Variants in BMP2K observed in about 807,000 individuals in gnomAD.
BMP2K encodes the protein BMP2 inducible kinase, also known as BMP-2-inducible protein kinase.
A neutral mutation model predicts 116.0 loss-of-function variants in BMP2K; 74 were observed. The observed-to-expected ratio is 0.64, with a 90% CI of 0.53 to 0.77. The LOEUF is 0.77. Among genes scored for constraint, BMP2K ranks in the 30% least tolerant of loss-of-function variants. The probability of loss-of-function intolerance (pLI) is 0.00; values close to 1 mark genes in which losing one functional copy is unlikely to be tolerated. For synonymous variants in BMP2K, 486 were observed against 502.5 expected, an observed-to-expected ratio of 0.97 and a Z score of 0.44; for missense variants, 1,365 against 1,403.6, an observed-to-expected ratio of 0.97 and a Z score of 0.44.
At chr4:78,879,034 C>A in intron 14 of BMP2K, 143 bp downstream of exon 14, 1 of 1,439,538 alleles carries the variant, frequency 6.9e-7, no homozygotes, top group Non-Finnish European at 9.1e-7. Context: ...TCTTCTTATA[C>A]ATATACTATC....
intron 7 of BMP2K, among the ~76,000 whole-genome samples, chr4:78,852,644 G>T (rs1202025590): frequency 1.3e-5 from 2 of 151,794 alleles, no homozygotes; most frequent in Non-Finnish European, 2.9e-5. Context: ...TCATTCTGTG[G>T]CCCAGGACCT....
chr4:78,867,929 A>G (rs1732135309), intron 10 of BMP2K, among the ~76,000 whole-genome samples: 1 of 152,150 alleles, frequency 6.6e-6, no homozygotes, highest in African/African-American at 2.4e-5. Flanking sequence ...GTGTAGTGGC[A>G]TATGCCTGTA....
intron 7 of BMP2K, among the ~76,000 whole-genome samples, chr4:78,856,977 G>C (rs982999634): frequency 6.6e-6 from 1 of 152,010 alleles, no homozygotes; most frequent in East Asian, 1.9e-4. Flanking sequence ...TTTCCCACTG[G>C]GGAGAATGAG....
In BMP2K at chr4:78,911,588, C is replaced by T; in HGVS notation, c.3041C>T (p.Thr1014Ile). Residue 1014 changes from threonine to isoleucine, a missense_variant, in exon 16 of 16, where the codon ACT becomes ATT. This residue lies in a region of BMP2K where 596 missense variants were observed against 623.2 expected (regional missense o/e 0.96). Coordinates refer to ENST00000502613, the MANE Select transcript of BMP2K (RefSeq NM_198892.2). ...AAGACTTTGAAGCCTACCTATCGCA[C>T]TCCAGAGAGGGCTCGCAGGCACAAA... ...TKKTLKPTYR[T>I]PERARRHKKV... is the part of the protein sequence containing the mutation. 1 of 1,614,036 alleles carries T rather than the reference C, an allele frequency of 6.2e-7. No homozygotes were observed. Among genetic ancestry groups the T allele is most frequent in the Non-Finnish European group, 8.5e-7 (1 of 1,179,898 alleles).
intron 3 of BMP2K, among the ~76,000 whole-genome samples, chr4:78,838,426 G>A (rs1730599437): frequency 6.6e-6 from 1 of 152,168 alleles, no homozygotes; most frequent in South Asian, 2.1e-4. Flanking sequence ...CTCTAAGTGG[G>A]CAATTATTTC....
chr4:78,803,974 TTAAC>T (rs1728693699), intron 1 of BMP2K, among the ~76,000 whole-genome samples: 1 of 152,216 alleles, frequency 6.6e-6, no homozygotes, highest in African/African-American at 2.4e-5. Flanking sequence ...TGAGACATAA[TTAAC>T]ATATCATAAA....
intron 1 of BMP2K, among the ~76,000 whole-genome samples, chr4:78,800,561 T>C (rs1415193182): frequency 1.3e-5 from 2 of 152,216 alleles, no homozygotes; most frequent in Non-Finnish European, 2.9e-5. Flanking sequence ...AATGTAGTTA[T>C]GTCTGTAACT....
At chr4:78,867,862 C>G (rs1732132308) in intron 10 of BMP2K, among the ~76,000 whole-genome samples, 1 of 152,132 alleles carries the variant, frequency 6.6e-6, no homozygotes, top group Non-Finnish European at 1.5e-5. Context: ...GAGTTCGAGA[C>G]CAGCCTGGCC....
chr4:78,889,038 G>A (rs1418198902), intron 15 of BMP2K, among the ~76,000 whole-genome samples: 1 of 152,010 alleles, frequency 6.6e-6, no homozygotes, highest in African/African-American at 2.4e-5. Context: ...TGGCTAACAC[G>A]GTGAAACCCC....
chr4:78,790,075 A>G (rs1183636648), intron 1 of BMP2K, among the ~76,000 whole-genome samples: 1 of 152,218 alleles, frequency 6.6e-6, no homozygotes, highest in Non-Finnish European at 1.5e-5. Flanking sequence ...TAAACTTGGA[A>G]TACAAAACAT....
chr4:78,870,830 C>A lies in BMP2K; in HGVS notation c.1279C>A (p.Pro427Thr). Residue 427 changes from proline (P) to threonine (T), a missense_variant, in exon 11 of 16, where the codon CCT (proline) becomes ACT (threonine). Coordinates refer to ENST00000502613, the MANE Select transcript of BMP2K (RefSeq NM_198892.2). ...CCCTGAAATTTTATTGGGTCAGGGACCTCCTCAGCAGCCGCCACAGCAGCA... is the reference window on the plus strand; with the variant it reads ...CCCTGAAATTTTATTGGGTCAGGGAACTCCTCAGCAGCCGCCACAGCAGCA... ...NGPEILLGQGPPQQPPQQHRV... is the reference protein window; with the variant it reads ...NGPEILLGQGTPQQPPQQHRV... 6.2e-7 allele frequency: 1 copy of A among 1,614,098 alleles called. No homozygotes were observed. Among genetic ancestry groups the A allele is most frequent in the Non-Finnish European group, 8.5e-7 (1 of 1,180,002 alleles).
rs922428860 is a variant in BMP2K at position 78,865,541 on chromosome 4, T to C, written c.1068-16T>C. 6.2e-7 allele frequency: 1 copy of C among 1,610,892 alleles called. No individual in the cohort carries two copies. The highest frequency in any genetic ancestry group is 1.3e-5 in the African/African-American group (1 of 74,970). The stretch of plus-strand genomic sequence containing the variant: ...TAATCCCAGTATTTAGAATGAAATA[T>C]ATTCTTCTGTTGTAGAATAACAGAT... On this transcript the variant is annotated splice_polypyrimidine_tract_variant and intron_variant, in intron 9 of 15. Coordinates refer to ENST00000502613, the MANE Select transcript of BMP2K (RefSeq NM_198892.2).
At position 78,860,128 on chromosome 4, in the gene BMP2K, G is replaced by A. The variant is rs75032200; in HGVS notation, c.987+441G>A. 2.9e-3 allele frequency: 1,417 copies of A among 493,338 alleles called. 8 individuals carry two copies. Among genetic ancestry groups the A allele is most frequent in the East Asian group, 0.018 (329 of 18,240 alleles). 30.6% of individuals were successfully genotyped at this position (493,338 alleles called of 1,614,324 possible). ...AAAGAGCACAGGCCTTGTTAAGTGG[G>A]AACTAAACAATGTGTACGCATAGAT... On this transcript the variant is annotated intron_variant, in intron 8 of 15. Coordinates refer to ENST00000502613, the MANE Select transcript of BMP2K (RefSeq NM_198892.2).
At chr4:78,804,295 T>C (rs1303653503) in intron 1 of BMP2K, among the ~76,000 whole-genome samples, 2 of 152,254 alleles carry the variant, frequency 1.3e-5, no homozygotes, top group African/African-American at 4.8e-5. Flanking sequence ...GCATTCATTC[T>C]TTTTTATGGC....
chr4:78,782,128 C>A (rs993281775), intron 1 of BMP2K, among the ~76,000 whole-genome samples: 3 of 152,204 alleles, frequency 2.0e-5, no homozygotes, highest in African/African-American at 7.2e-5. Context: ...TGGTCCGTGA[C>A]TGAATCTTGT....
chr4:78,910,837 G>A lies in BMP2K; in HGVS notation c.2290G>A (p.Val764Ile). Residue 764 changes from valine (V) to isoleucine (I), a missense_variant, in exon 16 of 16, where the codon GTT (valine) becomes ATT (isoleucine). Val to Ile is a conservative substitution (Grantham distance 29, BLOSUM62 3). Around this residue, in one of 3 missense-constraint regions of BMP2K, gnomAD observed 596 missense variants for 623.2 expected, o/e 0.96. Coordinates refer to ENST00000502613, the MANE Select transcript of BMP2K (RefSeq NM_198892.2). Reference sequence around the variant, plus strand: ...AGAGGAAGAGCAAGATGATGAAGAAGTTCTTCAGGGGGAACAAGGAGATTT... The same window carrying A: ...AGAGGAAGAGCAAGATGATGAAGAAATTCTTCAGGGGGAACAAGGAGATTT... ...SEEEEQDDEE[V>I]LQGEQGDFND... is the part of the protein sequence containing the mutation. 1 of 1,613,948 alleles carries A rather than the reference G, an allele frequency of 6.2e-7. No individual in the cohort carries two copies. The highest frequency in any genetic ancestry group is 8.5e-7 in the Non-Finnish European group (1 of 1,179,856).
rs150679709 is a variant in BMP2K at position 78,859,905 on chromosome 4, G to A, written c.987+218G>A. On this transcript the variant is annotated intron_variant, in intron 8 of 15. Coordinates refer to ENST00000502613, the MANE Select transcript of BMP2K (RefSeq NM_198892.2). ...CCTTGGGGAGCTGCAGCAGACTCAGGCAGAATATTTTGCATTTTTGAGGAA... is the reference window on the plus strand; with the variant it reads ...CCTTGGGGAGCTGCAGCAGACTCAGACAGAATATTTTGCATTTTTGAGGAA... 7.0e-3 allele frequency: 3,981 copies of A among 566,152 alleles called. 14 individuals carry two copies. The highest frequency in any genetic ancestry group is 9.3e-3 in the Non-Finnish European group (2,942 of 316,760). 35.1% of individuals were successfully genotyped at this position (566,152 alleles called of 1,614,324 possible). A position where few individuals can be genotyped will look rare whatever the true frequency, so the allele number is the denominator to read the frequency against.
rs186844289 is a variant in BMP2K at position 78,782,341 on chromosome 4, A to G, written c.178+5620A>G. 3.9e-3 allele frequency among the ~76,000 whole-genome samples: 596 copies of G among 152,344 alleles called. 21 individuals are homozygous for G. Among genetic ancestry groups the G allele is most frequent in the Admixed American group, 0.031 (476 of 15,302 alleles). Reference sequence around the variant, plus strand: ...GTTCCTCTGTCATCTCCACTACCAGATAGTAAAATTCTTAAGGCTAGACAG... The same window carrying G: ...GTTCCTCTGTCATCTCCACTACCAGGTAGTAAAATTCTTAAGGCTAGACAG... On this transcript the variant is annotated intron_variant, in intron 1 of 15. Transcript: ENST00000502613.
At chr4:78,889,112 T>G (rs961523333) in intron 15 of BMP2K, among the ~76,000 whole-genome samples, 1 of 150,400 alleles carries the variant, frequency 6.6e-6, no homozygotes, top group Non-Finnish European at 1.5e-5. Context: ...TCCCAGCTAC[T>G]CGGGAGGCTA....
Sources: gnomAD v4.1 joint callset for allele counts (sites outside exome capture counted in the v4.1 genomes callset) on GRCh38, gnomAD v4.1.1 for gene constraint, gnomAD v4.1.1 regional missense constraint, MANE v1.5 for transcripts, NCBI Gene and HGNC (gene_info 2026-07-23, HGNC 2026-07-21) for gene names.